Variants in SYT1 observed in about 807,000 individuals in gnomAD.
SYT1 encodes synaptotagmin 1.
In SYT1, 8 loss-of-function variants were observed where a neutral mutation model predicts 44.8. That is an observed-to-expected ratio of 0.18 (90% confidence interval 0.10 to 0.32). The LOEUF (loss-of-function observed/expected upper bound fraction) is 0.32, where lower values mean the gene tolerates loss of function less well. Among genes scored for constraint, SYT1 ranks in the 10% least tolerant of loss-of-function variants. SYT1 has a pLI of 1.00. For synonymous variants in SYT1, 154 were observed against 188.8 expected (o/e 0.82, Z 1.51); for missense variants, 286 against 509.3 (o/e 0.56, Z 4.22).
chr12:79,405,697 A>ACAT (rs1397153513), intron 9 of SYT1, among the ~76,000 whole-genome samples: 1 of 152,148 alleles, frequency 6.6e-6, no homozygotes, highest in African/African-American at 2.4e-5. Context: ...TACTTTTTTC[A>ACAT]CATAACAAGA....
intron 2 of SYT1, among the ~76,000 whole-genome samples, chr12:78,994,203 T>G (rs1870206278): frequency 6.6e-6 from 1 of 152,240 alleles, no homozygotes; most frequent in Non-Finnish European, 1.5e-5. Flanking sequence ...ATTTTTAATG[T>G]AAGAATTAGC....
At chr12:78,929,526 G>A (rs1208807136) in intron 1 of SYT1, among the ~76,000 whole-genome samples, 1 of 142,922 alleles carries the variant, frequency 7.0e-6, no homozygotes, top group African/African-American at 2.6e-5. Context: ...CACAATTTAT[G>A]TAGTGTTTGA....
At chr12:78,994,439 G>A (rs1244230663) in intron 2 of SYT1, among the ~76,000 whole-genome samples, 1 of 150,768 alleles carries the variant, frequency 6.6e-6, no homozygotes, top group African/African-American at 2.4e-5. Flanking sequence ...ATTTACTTGA[G>A]AAGTGTCATC....
chr12:78,975,897 G>A (rs1226807231), intron 1 of SYT1, among the ~76,000 whole-genome samples: 3 of 152,098 alleles, frequency 2.0e-5, no homozygotes, highest in East Asian at 3.9e-4. Flanking sequence ...ATTCAATTAT[G>A]AAAAATCACA....
chr12:78,919,647 C>T (rs1053998740), intron 1 of SYT1, among the ~76,000 whole-genome samples: 4 of 151,992 alleles, frequency 2.6e-5, no homozygotes, highest in African/African-American at 9.7e-5. Flanking sequence ...TTACTGCTTC[C>T]TTTGGCTTCT....
intron 8 of SYT1, among the ~76,000 whole-genome samples, chr12:79,299,760 G>T (rs1000566090): frequency 6.6e-6 from 1 of 152,050 alleles, no homozygotes; most frequent in African/African-American, 2.4e-5. Flanking sequence ...AGACATTTGT[G>T]TACTGGATCT....
chr12:78,912,897 A>C (rs1876424170), intron 1 of SYT1, among the ~76,000 whole-genome samples: 2 of 151,922 alleles, frequency 1.3e-5, no homozygotes, highest in South Asian at 4.1e-4. Flanking sequence ...ATACAAGTGA[A>C]AATGTCCATT....
chr12:79,407,793 G>A (rs1008541496), intron 9 of SYT1, among the ~76,000 whole-genome samples: 2 of 152,082 alleles, frequency 1.3e-5, no homozygotes, highest in African/African-American at 2.4e-5. Context: ...GAACATTATA[G>A]TTTTAGAGTG....
chr12:79,165,813 A>T (rs1186410855), intron 3 of SYT1, among the ~76,000 whole-genome samples: 1 of 152,036 alleles, frequency 6.6e-6, no homozygotes, highest in Non-Finnish European at 1.5e-5. Context: ...AAAGATACAT[A>T]TTAGGTATGT....
At chr12:78,905,250 T>C (rs1221143322) in intron 1 of SYT1, among the ~76,000 whole-genome samples, 5 of 152,176 alleles carry the variant, frequency 3.3e-5, no homozygotes, top group Non-Finnish European at 7.3e-5. Context: ...TAGTTCCTTC[T>C]TAGTAGAAGT....
At chr12:79,407,685 G>A (rs1226924049) in intron 9 of SYT1, among the ~76,000 whole-genome samples, 1 of 152,106 alleles carries the variant, frequency 6.6e-6, no homozygotes, top group African/African-American at 2.4e-5. Flanking sequence ...CTGTGACTCT[G>A]AGATACATCA....
At chr12:79,270,795 G>A (rs985141002) in intron 4 of SYT1, among the ~76,000 whole-genome samples, 5 of 152,178 alleles carry the variant, frequency 3.3e-5, no homozygotes, top group African/African-American at 4.8e-5. Flanking sequence ...AGATAGTGGC[G>A]TACTTCAAAG....
intron 1 of SYT1, among the ~76,000 whole-genome samples, chr12:78,871,374 G>T (rs182382693): frequency 7.2e-5 from 11 of 152,068 alleles, no homozygotes; most frequent in Admixed American, 2.6e-4. Flanking sequence ...TATCAATTTT[G>T]AATTGTCTGC....
intron 1 of SYT1, among the ~76,000 whole-genome samples, chr12:78,958,726 T>G (rs957731990): frequency 7.2e-5 from 11 of 151,910 alleles, no homozygotes; most frequent in Non-Finnish European, 1.5e-4. Context: ...TGCATTATTG[T>G]TTATGGTGAT....
At chr12:78,974,726 G>A (rs1303168508) in intron 1 of SYT1, among the ~76,000 whole-genome samples, 6 of 152,008 alleles carry the variant, frequency 3.9e-5, no homozygotes, top group Admixed American at 2.6e-4. Flanking sequence ...GTGAGCCACC[G>A]CCCCCGGCCC....
chr12:79,044,165 T>C (rs1230422578), intron 2 of SYT1, among the ~76,000 whole-genome samples: 1 of 151,942 alleles, frequency 6.6e-6, no homozygotes, highest in African/African-American at 2.4e-5. Context: ...TGAATCTGAA[T>C]GTTGGCCTGC....
intron 8 of SYT1, among the ~76,000 whole-genome samples, chr12:79,349,119 G>A (rs575489550): frequency 1.7e-4 from 26 of 148,722 alleles, no homozygotes; most frequent in African/African-American, 6.1e-4. Flanking sequence ...AGGAGGAAGG[G>A]AGGAAGGTAG....
intron 3 of SYT1, among the ~76,000 whole-genome samples, chr12:79,186,572 AT>A (rs1872813685): frequency 6.6e-6 from 1 of 152,052 alleles, no homozygotes; most frequent in African/African-American, 2.4e-5. Context: ...TATTCATGAT[AT>A]CCATTTCAGT....
chr12:79,380,451 G>A (rs1006511857), intron 9 of SYT1, among the ~76,000 whole-genome samples: 2 of 152,172 alleles, frequency 1.3e-5, no homozygotes, highest in Non-Finnish European at 2.9e-5. Context: ...CTGCATCCTA[G>A]GTGATGTAGC....
Sources: allele counts gnomAD v4.1 joint callset (sites outside exome capture counted in the v4.1 genomes callset), GRCh38; gene constraint gnomAD v4.1.1; transcripts MANE v1.5; gene names NCBI Gene and HGNC (gene_info 2026-07-23, HGNC 2026-07-21).